Variants in DAPK1 observed in about 807,000 individuals in gnomAD.
DAPK1 encodes death-associated protein kinase 1.
DAPK1 carries 56 observed loss-of-function variants against 144.9 expected under a neutral mutation model. That is an observed-to-expected ratio of 0.39 (90% confidence interval 0.31 to 0.48). DAPK1 has a LOEUF of 0.48. Among genes scored for constraint, DAPK1 ranks in the 20% least tolerant of loss-of-function variants. The pLI is 0.95. For missense variants in DAPK1, 1,454 were observed against 1,875.4 expected (o/e 0.78, Z 4.15); for synonymous variants, 690 against 749.0 (o/e 0.92, Z 1.29).
At chr9:87,668,736 C>A (rs1265811616) in intron 19 of DAPK1, 62 bp downstream of exon 19, 6 of 881,400 alleles carry the variant, frequency 6.8e-6, no homozygotes, top group Middle Eastern at 2.2e-4. Context: ...AAGTCTCAGT[C>A]TTTTTCCTTA....
intron 21 of DAPK1, among the ~76,000 whole-genome samples, chr9:87,689,486 GT>G (rs148799931): frequency 0.011 from 1,712 of 152,172 alleles, 23 homozygotes; most frequent in Middle Eastern, 0.027. Context: ...TCTGTTAATT[GT>G]TTCCTTTGCT....
intron 3 of DAPK1, among the ~76,000 whole-genome samples, chr9:87,609,813 T>C (rs1178119614): frequency 6.6e-6 from 1 of 152,204 alleles, no homozygotes; most frequent in East Asian, 1.9e-4. Flanking sequence ...ATATAGTTTT[T>C]GGATTTACTG....
chr9:87,573,039 C>T (rs1020475080), intron 2 of DAPK1, among the ~76,000 whole-genome samples: 6 of 152,174 alleles, frequency 3.9e-5, no homozygotes, highest in African/African-American at 9.7e-5. Flanking sequence ...AAACACTGAG[C>T]AAACTGGGGT....
In DAPK1 at chr9:87,568,783, GGGGCTGTTGCAAAACT is replaced by G. The variant is rs568792751; in HGVS notation, c.63-36168_63-36153del. 3.7e-3 allele frequency among the ~76,000 whole-genome samples: 557 copies of G among 152,264 alleles called. 7 individuals are homozygous for G. Among genetic ancestry groups the G allele is most frequent in the Admixed American group, 0.016 (240 of 15,304 alleles). ...ATGGGTCTCTGAGCCATATAGTGTT[GGGGCTGTTGCAAAACT>G]GGTCCACTTCCAAATTGCAGGCCTT... On this transcript the variant is annotated intron_variant, in intron 2 of 25. Coordinates refer to ENST00000408954, the MANE Select transcript of DAPK1 (RefSeq NM_004938.4).
At chr9:87,499,392 C>G (rs1306917235) in intron 2 of DAPK1, 3 of 471,880 alleles carry the variant, frequency 6.4e-6, no homozygotes, top group Non-Finnish European at 1.1e-5. Context: ...TGGACAAAAT[C>G]AGATTTAATT....
rs146438283 is a variant in DAPK1 at position 87,629,522 on chromosome 9, T to G, written c.285-8421T>G. Among the ~76,000 whole-genome samples, 7 of 152,298 alleles carry G rather than the reference T, an allele frequency of 4.6e-5. No individual in the cohort carries two copies. The East Asian group carries it at 1.2e-3, about 25-fold the overall frequency. ...CTATACCTACCTAACCCTTTTATTT[T>G]TTATTGTTTTTTGAATATGTTTTTA... On this transcript the variant is annotated intron_variant, in intron 3 of 25. Coordinates refer to ENST00000408954, the MANE Select transcript of DAPK1 (RefSeq NM_004938.4).
chr9:87,597,987 T>C (rs1233602309), intron 2 of DAPK1, among the ~76,000 whole-genome samples: 1 of 152,224 alleles, frequency 6.6e-6, no homozygotes, highest in Non-Finnish European at 1.5e-5. Context: ...TTTTTTCTTC[T>C]TCCCACAGTG....
intron 19 of DAPK1, among the ~76,000 whole-genome samples, chr9:87,671,034 G>A (rs868401037): frequency 1.3e-5 from 2 of 152,232 alleles, no homozygotes; most frequent in South Asian, 4.1e-4. Flanking sequence ...AAAAAGGACC[G>A]AGGGAGAGCA....
At chr9:87,669,768 G>GA (rs1178342491) in intron 19 of DAPK1, among the ~76,000 whole-genome samples, 1 of 151,822 alleles carries the variant, frequency 6.6e-6, no homozygotes, top group African/African-American at 2.4e-5. Context: ...AGGGGCAGGG[G>GA]GGGGCCACAG....
chr9:87,498,571 A>C lies in DAPK1; in HGVS notation c.-108-399A>C, dbSNP rs1824271728. On this transcript the variant is annotated intron_variant, in intron 1 of 25. Transcript: ENST00000408954. ...GCCACCGTTGCCGCAGGCTGGAGAG[A>C]GATTGCTCCCAGTGAGGCGCGTACC... The C allele has an allele frequency of 1.6e-5, 4 of 254,036 alleles. No individual in the cohort carries two copies. In the East Asian group the frequency reaches 2.9e-4, roughly 18 times the overall value. The allele number at this position is 254,036 out of a possible 1,614,324, so 15.7% of individuals were successfully genotyped here.
At chr9:87,589,718 A>G (rs62576179) in intron 2 of DAPK1, among the ~76,000 whole-genome samples, 4 of 152,244 alleles carry the variant, frequency 2.6e-5, no homozygotes, top group Non-Finnish European at 5.9e-5. Flanking sequence ...GTCAGTGAGT[A>G]TATTAGCCAT....
At position 87,681,404 on chromosome 9, in the gene DAPK1, G is replaced by T; in HGVS notation, c.2002G>T (p.Asp668Tyr). 1.3e-6 allele frequency: 2 copies of T among 1,564,648 alleles called. No individual in the cohort carries two copies. The highest frequency in any genetic ancestry group is 1.1e-5 in the South Asian group (1 of 89,974). Reference protein sequence around the residue: ...VAGLLARLRKDTHRGLFIQQL... With the variant: ...VAGLLARLRKYTHRGLFIQQL... ...CTGGCTCTTTCTCATCCATGCTCAGGATACGCACCGAGGACTCTTCATCCA... is the reference window on the plus strand; with the variant it reads ...CTGGCTCTTTCTCATCCATGCTCAGTATACGCACCGAGGACTCTTCATCCA... Residue 668 changes from aspartate to tyrosine, a missense_variant and splice_region_variant, in exon 20 of 26, where the codon GAT becomes TAT. Asp to Tyr is a radical substitution (Grantham distance 160). This residue lies in a region of DAPK1 where 1,025 missense variants were observed against 1,237.9 expected (regional missense o/e 0.83). Transcript: ENST00000408954.
intron 2 of DAPK1, among the ~76,000 whole-genome samples, chr9:87,596,516 T>G (rs1828323813): frequency 6.6e-6 from 1 of 152,188 alleles, no homozygotes; most frequent in African/African-American, 2.4e-5. Context: ...GCACTTTCCT[T>G]GAAAGGTGGG....
chr9:87,521,639 A>G (rs1037378699), intron 2 of DAPK1, among the ~76,000 whole-genome samples: 1 of 152,220 alleles, frequency 6.6e-6, no homozygotes, highest in Admixed American at 6.5e-5. Flanking sequence ...GAAGGATGAC[A>G]TCTCATTTAG....
At chr9:87,669,686 G>A (rs960238830) in intron 19 of DAPK1, among the ~76,000 whole-genome samples, 1 of 152,014 alleles carries the variant, frequency 6.6e-6, no homozygotes, top group African/African-American at 2.4e-5. Context: ...AAGTGCCTGG[G>A]GAGAAGTGCT....
intron 2 of DAPK1, among the ~76,000 whole-genome samples, chr9:87,565,126 G>A (rs150877958): frequency 4.3e-4 from 66 of 152,290 alleles, no homozygotes; most frequent in African/African-American, 1.5e-3. Flanking sequence ...AGGGCCCGAG[G>A]TCACGAATGC....
intron 14 of DAPK1, 138 bp from the exon 15 acceptor site, chr9:87,648,643 G>T (rs1248568443): frequency 1.4e-6 from 1 of 690,556 alleles, no homozygotes; most frequent in African/African-American, 1.8e-5. Flanking sequence ...CACTATAGGG[G>T]CATCTGCCCA....
intron 3 of DAPK1, among the ~76,000 whole-genome samples, chr9:87,622,648 C>T (rs190425396): frequency 2.2e-4 from 33 of 152,270 alleles, no homozygotes; most frequent in Middle Eastern, 3.4e-3. Flanking sequence ...CTGTAGCTCA[C>T]GCCTGTAATC....
chr9:87,652,147 G>A (rs1400963542), intron 17 of DAPK1, among the ~76,000 whole-genome samples: 1 of 144,716 alleles, frequency 6.9e-6, no homozygotes, highest in Non-Finnish European at 1.5e-5. Context: ...CCGATCCTGG[G>A]TCCTGATTCT....
Sources: gnomAD v4.1 joint callset for allele counts (sites outside exome capture counted in the v4.1 genomes callset) on GRCh38, gnomAD v4.1.1 for gene constraint, gnomAD v4.1.1 regional missense constraint, MANE v1.5 for transcripts, NCBI Gene and HGNC (gene_info 2026-07-23, HGNC 2026-07-21) for gene names.